Variants in FAM167A observed in about 807,000 individuals in gnomAD.
FAM167A encodes the protein family with sequence similarity 167 member A, also known as protein FAM167A.
FAM167A carries 23 observed loss-of-function variants against 14.9 expected under a neutral mutation model. The observed-to-expected ratio is 1.55, with a 90% confidence interval of 1.11 to 2.19. The LOEUF (loss-of-function observed/expected upper bound fraction) is 2.19. Ranked by LOEUF, FAM167A falls within the 30% of genes most tolerant of loss-of-function variation. FAM167A has a pLI of 0.00. For missense variants in FAM167A, 401 were observed against 281.5 expected (o/e 1.42, Z -3.04); for synonymous variants, 174 against 117.7 (o/e 1.48, Z -3.10).
intron 2 of FAM167A, among the ~76,000 whole-genome samples, chr8:11,428,519 C>CTGCT (rs1305177942): frequency 1.3e-5 from 2 of 152,234 alleles, no homozygotes; most frequent in Admixed American, 6.5e-5. Context: ...GCCGGTCTCC[C>CTGCT]TGCTTGCGCT....
intron 2 of FAM167A, among the ~76,000 whole-genome samples, chr8:11,443,015 G>C (rs1374433487): frequency 1.3e-5 from 2 of 152,198 alleles, no homozygotes; most frequent in African/African-American, 4.8e-5. Context: ...GCAGGCCTCA[G>C]CCTACCCAGC....
At chr8:11,465,303 C>G (rs1320775834) in intron 1 of FAM167A, among the ~76,000 whole-genome samples, 1 of 152,132 alleles carries the variant, frequency 6.6e-6, no homozygotes, top group Non-Finnish European at 1.5e-5. Flanking sequence ...AAGCAGCCTT[C>G]GTCTGAGAGC....
Position 11,449,336 on chromosome 8 carries a change from C to T in FAM167A, c.-397-4528G>A, listed in dbSNP as rs186860983. Among the ~76,000 whole-genome samples the T allele has an allele frequency of 1.9e-4, 29 of 152,330 alleles. 1 individual carries two copies. In the South Asian group the frequency reaches 5.6e-3, roughly 29 times the overall value. Reference sequence around the variant, plus strand: ...TGCTCACTGGGCACTGAGCTGGACCCGGCCTGAGCCGGCAGAGAGGTGCTG... The same window carrying T: ...TGCTCACTGGGCACTGAGCTGGACCTGGCCTGAGCCGGCAGAGAGGTGCTG... On this transcript the variant is annotated intron_variant, in intron 1 of 2. Transcript: ENST00000284486.
At chr8:11,438,022 C>A (rs865789104) in intron 2 of FAM167A, 1 of 377,860 alleles carries the variant, frequency 2.6e-6, no homozygotes, top group Admixed American at 3.6e-5. Flanking sequence ...GTTTATGTGC[C>A]TGTCTTCTCC....
intron 1 of FAM167A, among the ~76,000 whole-genome samples, chr8:11,446,194 T>C (rs563119560): frequency 7.6e-4 from 116 of 152,244 alleles, no homozygotes; most frequent in African/African-American, 2.7e-3. Flanking sequence ...CTCTCCGACA[T>C]GGCACGCAGA....
intron 2 of FAM167A, among the ~76,000 whole-genome samples, chr8:11,429,123 A>C (rs879421192): frequency 1.3e-5 from 2 of 151,914 alleles, no homozygotes; most frequent in African/African-American, 4.8e-5. Context: ...CTAACTCCCC[A>C]TCCCCCTCCT....
In FAM167A at chr8:11,424,585, G is replaced by T; in HGVS notation, c.433C>A (p.Arg145Ser). 1 of 1,614,110 alleles carries T rather than the reference G, an allele frequency of 6.2e-7. No individual in the cohort carries two copies. Among genetic ancestry groups the T allele is most frequent in the South Asian group, 1.1e-5 (1 of 91,078 alleles). Residue 145 changes from arginine (R) to serine (S), a missense_variant, in exon 3 of 3, where the codon CGT (arginine) becomes AGT (serine). Coordinates refer to ENST00000284486, the MANE Select transcript of FAM167A (RefSeq NM_053279.3). ...QQLARQLMRL[R>S]GDINKLKIEH... is the part of the protein sequence containing the mutation. ...ATTTTCAGCTTGTTGATGTCGCCACGCAGGCGCATGAGCTGTCTGGCCAGT... is the reference window on the plus strand; with the variant it reads ...ATTTTCAGCTTGTTGATGTCGCCACTCAGGCGCATGAGCTGTCTGGCCAGT...
intron 1 of FAM167A, among the ~76,000 whole-genome samples, chr8:11,453,850 G>T (rs75308661): frequency 2.0e-5 from 3 of 152,106 alleles, no homozygotes; most frequent in Admixed American, 2.0e-4. Context: ...GGGAAGGCTG[G>T]GTCTTCTTAC....
At chr8:11,429,433 T>C (rs1805419619) in intron 2 of FAM167A, among the ~76,000 whole-genome samples, 1 of 152,210 alleles carries the variant, frequency 6.6e-6, no homozygotes, top group Non-Finnish European at 1.5e-5. Flanking sequence ...GAGTGCCTCC[T>C]CCTGTTTTCC....
At chr8:11,439,198 TCTC>T (rs1451648449) in intron 2 of FAM167A, among the ~76,000 whole-genome samples, 1 of 152,222 alleles carries the variant, frequency 6.6e-6, no homozygotes, top group Non-Finnish European at 1.5e-5. Context: ...GCCTCAGTCT[TCTC>T]CTCTGTAAGA....
chr8:11,431,731 G>T (rs1187843485), intron 2 of FAM167A, among the ~76,000 whole-genome samples: 1 of 151,730 alleles, frequency 6.6e-6, no homozygotes, highest in Non-Finnish European at 1.5e-5. Context: ...GGGAATGGGG[G>T]CCCAGCCTGG....
upstream of FAM167A, among the ~76,000 whole-genome samples, chr8:11,471,116 A>C (rs1204260349): frequency 6.6e-6 from 1 of 152,170 alleles, no homozygotes; most frequent in African/African-American, 2.4e-5. Flanking sequence ...GTGCTGGAGT[A>C]GGGAGGTGAC....
At chr8:11,468,760 T>C (rs1293213789), upstream of FAM167A, among the ~76,000 whole-genome samples, 2 of 152,252 alleles carry the variant, frequency 1.3e-5, no homozygotes, top group Non-Finnish European at 1.5e-5. Flanking sequence ...GTTTGACCTA[T>C]GGCTTCTATT....
At chr8:11,452,377 G>A (rs530803480) in intron 1 of FAM167A, among the ~76,000 whole-genome samples, 34 of 152,362 alleles carry the variant, frequency 2.2e-4, no homozygotes, top group African/African-American at 4.6e-4. Flanking sequence ...GGCTACAGCC[G>A]GACATCAGGG....
chr8:11,462,352 T>C (rs1339396271), intron 1 of FAM167A, among the ~76,000 whole-genome samples: 2 of 152,168 alleles, frequency 1.3e-5, no homozygotes, highest in Non-Finnish European at 2.9e-5. Flanking sequence ...TCCACATCCA[T>C]GAAACAGGAT....
Position 11,430,267 on chromosome 8 carries a change from G to A in FAM167A, c.382-5631C>T, listed in dbSNP as rs530562334. 1.3e-4 allele frequency among the ~76,000 whole-genome samples: 20 copies of A among 152,348 alleles called. No homozygotes were observed. In the South Asian group the frequency reaches 4.1e-3, roughly 32 times the overall value. ...TTGTTGAAAGGGAAGAGATGTCATT[G>A]GTCGGGGGCTGTCCAAGCACTGTGG... On this transcript the variant is annotated intron_variant, in intron 2 of 2. Coordinates refer to ENST00000284486, the MANE Select transcript of FAM167A (RefSeq NM_053279.3).
At chr8:11,451,284 C>G (rs12543308) in intron 1 of FAM167A, among the ~76,000 whole-genome samples, 121,615 of 152,206 alleles carry the variant, frequency 0.8, 48,890 homozygotes, top group Middle Eastern at 0.86. Context: ...TTGGCCATCA[C>G]AGCCCAGTGG....
chr8:11,423,979 C>A lies in FAM167A; in HGVS notation c.*394G>T, dbSNP rs376702692. 1.9e-5 allele frequency: 4 copies of A among 212,358 alleles called. No homozygotes were observed. Among genetic ancestry groups the A allele is most frequent in the South Asian group, 1.0e-4 (1 of 9,964 alleles). 13.2% of individuals were successfully genotyped at this position (212,358 alleles called of 1,614,324 possible). ...TGCCTAATTTCCCCCAAGGCCCTTG[C>A]GGGACAGCCTTCTGCAAAAATGACA... is the stretch of plus-strand genomic sequence containing the variant. On this transcript the variant is annotated 3_prime_UTR_variant, in exon 3 of 3. Transcript: ENST00000284486.
chr8:11,456,245 TTGC>T (rs1807289435), intron 1 of FAM167A, among the ~76,000 whole-genome samples: 1 of 95,776 alleles, frequency 1.0e-5, no homozygotes, highest in Admixed American at 1.0e-4. Flanking sequence ...GGTGGTTGCC[TTGC>T]TGTGTGTGTG....
Sources: gnomAD v4.1 joint callset for allele counts (sites outside exome capture counted in the v4.1 genomes callset) on GRCh38, gnomAD v4.1.1 for gene constraint, MANE v1.5 for transcripts, NCBI Gene and HGNC (gene_info 2026-07-23, HGNC 2026-07-21) for gene names.